The following GRIN2A variants were observed in gnomAD, a reference collection of about 807,000 sequenced individuals.
GRIN2A encodes the protein glutamate ionotropic receptor NMDA type subunit 2A.
A neutral mutation model predicts 113.4 loss-of-function variants in GRIN2A; 22 were observed. The ratio of observed to expected loss-of-function variants is 0.19; its 90% CI spans 0.14 to 0.28. GRIN2A has a LOEUF of 0.28. Among genes scored for constraint, GRIN2A ranks in the 10% least tolerant of loss-of-function variants. The pLI is 1.00. For missense variants in GRIN2A, 1,502 were observed against 1,887.0 expected (o/e 0.80, Z 3.78); for synonymous variants, 827 against 738.4 (o/e 1.12, Z -1.94).
chr16:10,095,453 A>G lies in GRIN2A; in HGVS notation c.414+84545T>C, dbSNP rs182503483. 4.6e-5 allele frequency among the ~76,000 whole-genome samples: 7 copies of G among 152,356 alleles called. No individual in the cohort carries two copies. The East Asian group carries it at 7.7e-4, about 17-fold the overall frequency. On this transcript the variant is annotated intron_variant, in intron 2 of 12. Coordinates refer to ENST00000330684, the MANE Select transcript of GRIN2A (RefSeq NM_001134407.3). Reference sequence around the variant, plus strand: ...TTAAGAATCTTGAGCCCATGCTAATATAAAGTATAAAAGTAAAAATAAATG... The same window carrying G: ...TTAAGAATCTTGAGCCCATGCTAATGTAAAGTATAAAAGTAAAAATAAATG...
At chr16:9,902,087 A>AGGC (rs1567165713) in intron 3 of GRIN2A, among the ~76,000 whole-genome samples, 2 of 152,098 alleles carry the variant, frequency 1.3e-5, no homozygotes, top group African/African-American at 4.8e-5. Flanking sequence ...ATACGGGTCA[A>AGGC]GAGACTTCTG....
At chr16:10,106,751 G>A (rs896797072) in intron 2 of GRIN2A, among the ~76,000 whole-genome samples, 1 of 152,204 alleles carries the variant, frequency 6.6e-6, no homozygotes, top group African/African-American at 2.4e-5. Context: ...GAGAAAAAAG[G>A]AGAATAAGGC....
chr16:9,775,028 C>A (rs562985554), intron 11 of GRIN2A, among the ~76,000 whole-genome samples: 1 of 152,308 alleles, frequency 6.6e-6, no homozygotes, highest in African/African-American at 2.4e-5. Flanking sequence ...AGAGGAACTG[C>A]AGTTTTTGGG....
chr16:9,890,955 C>A, intron 4 of GRIN2A, 31 bp downstream of exon 4: 1 of 1,332,036 alleles, frequency 7.5e-7, no homozygotes, highest in Non-Finnish European at 1.1e-6. Flanking sequence ...TTCTTCCCTC[C>A]CCTGCATTCA....
At chr16:9,814,092 C>T (rs1353898355) in intron 10 of GRIN2A, among the ~76,000 whole-genome samples, 8 of 152,186 alleles carry the variant, frequency 5.3e-5, no homozygotes, top group Admixed American at 5.2e-4. Context: ...ATCCCTGAAC[C>T]AGTTTCTTTT....
intron 2 of GRIN2A, among the ~76,000 whole-genome samples, chr16:10,090,893 T>C (rs948162005): frequency 1.5e-4 from 23 of 152,206 alleles, no homozygotes; most frequent in Non-Finnish European, 2.2e-4. Context: ...ACTCAATAGT[T>C]ATTTCATCAA....
intron 2 of GRIN2A, among the ~76,000 whole-genome samples, chr16:10,042,794 A>G (rs2047188777): frequency 6.6e-6 from 1 of 152,208 alleles, no homozygotes; most frequent in Non-Finnish European, 1.5e-5. Context: ...TAAGGGGGCC[A>G]TAGGAAGATA....
intron 2 of GRIN2A, among the ~76,000 whole-genome samples, chr16:9,971,496 A>G (rs1056012083): frequency 3.9e-5 from 6 of 152,380 alleles, no homozygotes; most frequent in African/African-American, 1.4e-4. Flanking sequence ...ACCACCTAGT[A>G]GAGCCCAGTC....
intron 4 of GRIN2A, among the ~76,000 whole-genome samples, chr16:9,867,260 C>G (rs892009713): frequency 6.6e-6 from 1 of 152,138 alleles, no homozygotes; most frequent in Non-Finnish European, 1.5e-5. Flanking sequence ...TTTTAGGACT[C>G]CCTCTCTGGC....
intron 2 of GRIN2A, among the ~76,000 whole-genome samples, chr16:9,996,049 AAAAG>A (rs1277308628): frequency 2.0e-4 from 27 of 132,092 alleles, no homozygotes; most frequent in South Asian, 4.9e-4. Context: ...AAAAAAAAAA[AAAAG>A]AAAGAAAGAA....
At chr16:9,939,345 C>T (rs978579869) in intron 2 of GRIN2A, among the ~76,000 whole-genome samples, 12 of 152,132 alleles carry the variant, frequency 7.9e-5, no homozygotes, top group Non-Finnish European at 1.5e-4. Context: ...TGCATCATGG[C>T]ACCGAAAGGA....
chr16:10,074,921 C>A (rs1004015192), intron 2 of GRIN2A, among the ~76,000 whole-genome samples: 1 of 152,178 alleles, frequency 6.6e-6, no homozygotes, highest in African/African-American at 2.4e-5. Flanking sequence ...CTAGGTATCA[C>A]TTATTGACCA....
chr16:9,796,320 G>A (rs1455149781), intron 11 of GRIN2A, among the ~76,000 whole-genome samples: 1 of 152,162 alleles, frequency 6.6e-6, no homozygotes, highest in African/African-American at 2.4e-5. Context: ...ATTTACCTGT[G>A]ATGTTCAGTG....
chr16:10,119,854 A>G (rs11640377), intron 2 of GRIN2A, among the ~76,000 whole-genome samples: 128,228 of 152,074 alleles, frequency 0.84, 54,869 homozygotes, highest in East Asian at 0.92. Flanking sequence ...CTGTTCCTGC[A>G]TTAGTTTGCT....
At chr16:9,950,197 T>C (rs1190618726) in intron 2 of GRIN2A, among the ~76,000 whole-genome samples, 1 of 152,168 alleles carries the variant, frequency 6.6e-6, no homozygotes, top group Non-Finnish European at 1.5e-5. Flanking sequence ...CTGTCAGAGA[T>C]GACTGAGGGC....
chr16:10,027,995 C>G (rs981455203), intron 2 of GRIN2A, among the ~76,000 whole-genome samples: 1 of 152,120 alleles, frequency 6.6e-6, no homozygotes, highest in Non-Finnish European at 1.5e-5. Flanking sequence ...CAGAACAGTG[C>G]GGGAGGTTGG....
intron 2 of GRIN2A, among the ~76,000 whole-genome samples, chr16:10,025,574 T>G (rs994111048): frequency 6.6e-6 from 1 of 152,116 alleles, no homozygotes; most frequent in Admixed American, 6.5e-5. Flanking sequence ...AGTGCTGGAA[T>G]TATAGGCGTG....
intron 4 of GRIN2A, among the ~76,000 whole-genome samples, chr16:9,884,877 G>A (rs187374369): frequency 6.6e-6 from 1 of 151,470 alleles, no homozygotes; most frequent in Non-Finnish European, 1.5e-5. Flanking sequence ...AGCCTTCAGA[G>A]TAGCTGGGAC....
chr16:10,014,817 A>C (rs1378225890), intron 2 of GRIN2A, among the ~76,000 whole-genome samples: 1 of 152,254 alleles, frequency 6.6e-6, no homozygotes, highest in Non-Finnish European at 1.5e-5. Context: ...CAGTGAGTTA[A>C]GCAATATGGA....
Sources: gnomAD v4.1 joint callset for allele counts (sites outside exome capture counted in the v4.1 genomes callset) on GRCh38, gnomAD v4.1.1 for gene constraint, MANE v1.5 for transcripts, NCBI Gene and HGNC (gene_info 2026-07-23, HGNC 2026-07-21) for gene names.